CA10: variants seen among roughly 807,000 people sequenced by gnomAD.
The protein encoded by CA10 is carbonic anhydrase-related protein 10.
Under a neutral mutation model 44.2 loss-of-function variants are expected in CA10, and 14 were observed. That is an observed-to-expected ratio of 0.32 (90% CI 0.21 to 0.50). The LOEUF is 0.50. Among genes scored for constraint, CA10 ranks in the 20% least tolerant of loss-of-function variants. CA10 has a pLI of 0.99. For synonymous variants in CA10, 159 were observed against 141.6 expected (o/e 1.12, Z -0.87); for missense variants, 350 against 409.7 (o/e 0.85, Z 1.26).
chr17:52,046,916 C>T (rs1020879988), intron 2 of CA10, among the ~76,000 whole-genome samples: 1 of 151,882 alleles, frequency 6.6e-6, no homozygotes, highest in African/African-American at 2.4e-5. Context: ...CATTTTAACA[C>T]ACTAAAAATA....
At chr17:51,907,034 T>C (rs1981585407) in intron 3 of CA10, among the ~76,000 whole-genome samples, 1 of 152,170 alleles carries the variant, frequency 6.6e-6, no homozygotes, top group Admixed American at 6.5e-5. Flanking sequence ...ACCAAGTCTT[T>C]CCAATATCTA....
rs977151359 is a variant in CA10, at chr17:52,158,313, C to T, written c.-527G>A. On this transcript the variant is annotated 5_prime_UTR_variant, in exon 1 of 9. Coordinates refer to ENST00000451037, the MANE Select transcript of CA10 (RefSeq NM_020178.5). Reference sequence around the variant, plus strand: ...GCGGCAAGTTGCCCTCGAAGTCCGCCCCCCTCACCGGGGCATGGTCGGAGG... The same window carrying T: ...GCGGCAAGTTGCCCTCGAAGTCCGCTCCCCTCACCGGGGCATGGTCGGAGG... 2.0e-5 allele frequency: 4 copies of T among 200,096 alleles called. No individual in the cohort carries two copies. Among genetic ancestry groups the T allele is most frequent in the South Asian group, 1.7e-4 (2 of 12,072 alleles). The allele number at this position is 200,096 out of a possible 1,614,324, so 12.4% of individuals were successfully genotyped here. A position where few individuals can be genotyped will look rare whatever the true frequency, so the allele number is the denominator to read the frequency against.
chr17:51,715,423 T>A (rs537478127), intron 4 of CA10, among the ~76,000 whole-genome samples: 3 of 152,138 alleles, frequency 2.0e-5, no homozygotes, highest in African/African-American at 4.8e-5. Flanking sequence ...ATTAAAAAAA[T>A]TTTTCCTTTT....
At chr17:51,781,657 A>G (rs1906065722) in intron 3 of CA10, among the ~76,000 whole-genome samples, 1 of 152,206 alleles carries the variant, frequency 6.6e-6, no homozygotes, top group Non-Finnish European at 1.5e-5. Context: ...GACTCAATGA[A>G]TGGCTAATAA....
intron 3 of CA10, among the ~76,000 whole-genome samples, chr17:51,907,466 A>G (rs1055716093): frequency 2.0e-5 from 3 of 152,098 alleles, no homozygotes; most frequent in East Asian, 1.9e-4. Flanking sequence ...TTACATATAT[A>G]TGTATATATG....
At chr17:51,712,795 C>G (rs910334206) in intron 4 of CA10, among the ~76,000 whole-genome samples, 1 of 152,230 alleles carries the variant, frequency 6.6e-6, no homozygotes, top group African/African-American at 2.4e-5. Context: ...ACGCACAACA[C>G]TTACTATACT....
chr17:51,824,100 T>C (rs904796760), intron 3 of CA10, among the ~76,000 whole-genome samples: 1 of 152,246 alleles, frequency 6.6e-6, no homozygotes, highest in Non-Finnish European at 1.5e-5. Context: ...TTAACTTATA[T>C]TGCCTATGCC....
intron 2 of CA10, among the ~76,000 whole-genome samples, chr17:52,027,160 C>G (rs1986327114): frequency 6.6e-6 from 1 of 151,994 alleles, no homozygotes; most frequent in Non-Finnish European, 1.5e-5. Flanking sequence ...ACCTAGATCC[C>G]TCACATGTGC....
intron 2 of CA10, among the ~76,000 whole-genome samples, chr17:52,032,060 C>T (rs1366401702): frequency 6.6e-6 from 1 of 152,156 alleles, no homozygotes; most frequent in African/African-American, 2.4e-5. Context: ...TTTCTGCCCT[C>T]TCAACCCAAG....
intron 1 of CA10, among the ~76,000 whole-genome samples, chr17:52,119,368 G>T (rs573046948): frequency 2.6e-4 from 39 of 152,274 alleles, no homozygotes; most frequent in Admixed American, 7.2e-4. Context: ...TATGCATCCC[G>T]TTAAGGAATC....
intron 4 of CA10, among the ~76,000 whole-genome samples, chr17:51,741,676 G>C (rs1042503298): frequency 2.0e-5 from 3 of 152,188 alleles, no homozygotes; most frequent in Admixed American, 2.0e-4. Context: ...GTCAGGCACT[G>C]TGCTAGGTGC....
At chr17:52,011,818 T>C (rs1985806876) in intron 2 of CA10, among the ~76,000 whole-genome samples, 1 of 151,996 alleles carries the variant, frequency 6.6e-6, no homozygotes, top group African/African-American at 2.4e-5. Context: ...TACATGCTAA[T>C]GGAGAAATGA....
intron 3 of CA10, among the ~76,000 whole-genome samples, chr17:51,832,996 A>G (rs1908338493): frequency 1.3e-5 from 2 of 152,172 alleles, no homozygotes; most frequent in South Asian, 4.1e-4. Flanking sequence ...CCAAAATTCT[A>G]TGAGAGCTAC....
At chr17:51,751,771 CAA>C (rs1904898688) in intron 3 of CA10, among the ~76,000 whole-genome samples, 1 of 152,216 alleles carries the variant, frequency 6.6e-6, no homozygotes, top group Non-Finnish European at 1.5e-5. Context: ...GGCCATGAAG[CAA>C]ACCCCAAACC....
intron 4 of CA10, among the ~76,000 whole-genome samples, chr17:51,675,750 C>G (rs982343075): frequency 6.6e-6 from 1 of 151,968 alleles, no homozygotes; most frequent in Admixed American, 6.6e-5. Context: ...CACACAACAA[C>G]TCCCAATTCT....
chr17:52,081,929 A>G (rs1219793430), intron 1 of CA10, among the ~76,000 whole-genome samples: 2 of 152,142 alleles, frequency 1.3e-5, no homozygotes, highest in Non-Finnish European at 2.9e-5. Context: ...CTAGATGTTG[A>G]CAGTTACTGA....
intron 2 of CA10, among the ~76,000 whole-genome samples, chr17:52,036,180 A>T (rs543003831): frequency 3.9e-5 from 6 of 152,312 alleles, no homozygotes; most frequent in Admixed American, 3.9e-4. Context: ...CTCATTTTAT[A>T]CTTGAATAGA....
intron 4 of CA10, among the ~76,000 whole-genome samples, chr17:51,717,688 TAC>T (rs1916175907): frequency 1.0e-5 from 1 of 99,220 alleles, no homozygotes; most frequent in South Asian, 3.4e-4. Context: ...TATATATGTA[TAC>T]ATATATGCAT....
chr17:51,654,608 G>A (rs1403810769), intron 4 of CA10, among the ~76,000 whole-genome samples: 4 of 151,046 alleles, frequency 2.6e-5, no homozygotes, highest in Non-Finnish European at 4.4e-5. Flanking sequence ...CCAGGCTGGA[G>A]TGCAGTGGCG....
Sources: gnomAD v4.1 joint callset for allele counts (sites outside exome capture counted in the v4.1 genomes callset) on GRCh38, gnomAD v4.1.1 for gene constraint, MANE v1.5 for transcripts, NCBI Gene and HGNC (gene_info 2026-07-23, HGNC 2026-07-21) for gene names.